NRXN3: variants seen among roughly 807,000 people sequenced by gnomAD.
NRXN3 encodes neurexin III.
In NRXN3, 32 loss-of-function variants were observed where a neutral mutation model predicts 137.6. The observed-to-expected ratio is 0.23, with a 90% CI of 0.18 to 0.31. The LOEUF (loss-of-function observed/expected upper bound fraction) is 0.31. Among genes scored for constraint, NRXN3 ranks in the 10% least tolerant of loss-of-function variants. The probability of loss-of-function intolerance (pLI) is 1.00; values close to 1 mark genes in which losing one functional copy is unlikely to be tolerated. For synonymous variants in NRXN3, 798 were observed against 784.5 expected, an observed-to-expected ratio of 1.02 and a Z score of -0.29; for missense variants, 1,574 against 2,062.5, an observed-to-expected ratio of 0.76 and a Z score of 4.59.
chr14:79,062,611 C>G (rs769826115), intron 15 of NRXN3, among the ~76,000 whole-genome samples: 5 of 152,146 alleles, frequency 3.3e-5, no homozygotes, highest in African/African-American at 1.2e-4. Context: ...TTTGTCAGGA[C>G]ACAAAGTGCG....
chr14:79,497,277 A>G (rs1343691501), intron 16 of NRXN3, among the ~76,000 whole-genome samples: 2 of 152,098 alleles, frequency 1.3e-5, no homozygotes, highest in Non-Finnish European at 2.9e-5. Context: ...CAAAGGAACC[A>G]TAATCCCCCA....
At chr14:78,633,453 C>T (rs1284122094) in intron 4 of NRXN3, among the ~76,000 whole-genome samples, 1 of 152,066 alleles carries the variant, frequency 6.6e-6, no homozygotes, top group African/African-American at 2.4e-5. Flanking sequence ...ACTCTCCCTC[C>T]CCACTCCCCT....
chr14:79,814,735 C>A (rs762990431), intron 20 of NRXN3, among the ~76,000 whole-genome samples: 1 of 152,074 alleles, frequency 6.6e-6, no homozygotes, highest in Non-Finnish European at 1.5e-5. Flanking sequence ...AGATGTTTTT[C>A]GGGAATTGTT....
intron 15 of NRXN3, among the ~76,000 whole-genome samples, chr14:79,086,499 T>A (rs1191882087): frequency 1.3e-5 from 2 of 152,138 alleles, no homozygotes; most frequent in African/African-American, 4.8e-5. Flanking sequence ...CAATCTTGAA[T>A]CCTTTCTCTC....
At chr14:79,108,479 G>T (rs1220277246) in intron 15 of NRXN3, among the ~76,000 whole-genome samples, 1 of 152,098 alleles carries the variant, frequency 6.6e-6, no homozygotes, top group African/African-American at 2.4e-5. Flanking sequence ...ACATTAGCTG[G>T]ATATGTAGGA....
chr14:78,822,690 CA>C, intron 10 of NRXN3, among the ~76,000 whole-genome samples: 1 of 142,788 alleles, frequency 7.0e-6, no homozygotes, highest in Non-Finnish European at 1.5e-5. Flanking sequence ...ACAAAACAAA[CA>C]ACCAACAACA....
intron 2 of NRXN3, among the ~76,000 whole-genome samples, chr14:78,248,295 G>C (rs113214985): frequency 5.1e-3 from 74 of 14,378 alleles, no homozygotes; most frequent in African/African-American, 9.8e-3. Flanking sequence ...ACTAGCCACC[G>C]CCCCCCGCCC....
At chr14:79,183,590 G>A in intron 15 of NRXN3, among the ~76,000 whole-genome samples, 1 of 152,078 alleles carries the variant, frequency 6.6e-6, no homozygotes, top group East Asian at 1.9e-4. Context: ...GTGTTCAAAA[G>A]GTAAAACCTT....
chr14:79,629,413 T>A (rs1225901993), intron 16 of NRXN3, among the ~76,000 whole-genome samples: 1 of 152,212 alleles, frequency 6.6e-6, no homozygotes, highest in Non-Finnish European at 1.5e-5. Context: ...CTCAAGAGCA[T>A]CATCACAGGA....
At chr14:78,990,721 T>C (rs977927026) in intron 15 of NRXN3, among the ~76,000 whole-genome samples, 19 of 152,172 alleles carry the variant, frequency 1.2e-4, no homozygotes, top group African/African-American at 3.4e-4. Flanking sequence ...ACTGTGAAGT[T>C]TGAATATAAA....
intron 15 of NRXN3, among the ~76,000 whole-genome samples, chr14:79,063,725 C>T (rs6574481): frequency 0.99 from 150,913 of 152,282 alleles, 74,802 homozygotes; most frequent in Middle Eastern, 1. Context: ...GAGAAAAAAA[C>T]CAGGAGCAAG....
chr14:79,064,805 G>A (rs11627140), intron 15 of NRXN3, among the ~76,000 whole-genome samples: 4 of 125,290 alleles, frequency 3.2e-5, no homozygotes, highest in African/African-American at 9.4e-5. Flanking sequence ...CCATATATAT[G>A]TGTGTGTGTG....
intron 4 of NRXN3, chr14:78,526,878 A>G: frequency 2.3e-6 from 1 of 440,062 alleles, no homozygotes; most frequent in Non-Finnish European, 4.5e-6. Flanking sequence ...AATACACCAA[A>G]GAAGCTTTCA....
chr14:79,788,195 T>A (rs1048726104), intron 19 of NRXN3, among the ~76,000 whole-genome samples: 2 of 152,144 alleles, frequency 1.3e-5, no homozygotes, highest in Non-Finnish European at 2.9e-5. Flanking sequence ...ACTTATTCAC[T>A]ACCACAAGAA....
chr14:78,314,668 G>T (rs922071086), intron 4 of NRXN3, among the ~76,000 whole-genome samples: 1 of 152,152 alleles, frequency 6.6e-6, no homozygotes, highest in Non-Finnish European at 1.5e-5. Flanking sequence ...ACAGGATAAG[G>T]GGCCTGGTGG....
At chr14:79,614,549 C>T (rs1798499595) in intron 16 of NRXN3, among the ~76,000 whole-genome samples, 1 of 152,094 alleles carries the variant, frequency 6.6e-6, no homozygotes, top group South Asian at 2.1e-4. Flanking sequence ...CTCTTCTACT[C>T]CCTCCTTGCT....
At chr14:79,451,689 T>C (rs1184725209) in intron 15 of NRXN3, among the ~76,000 whole-genome samples, 1 of 152,242 alleles carries the variant, frequency 6.6e-6, no homozygotes. Flanking sequence ...TATCCAGACT[T>C]TCCCTAGAAG....
At chr14:78,220,625 C>G (rs769268235) in intron 1 of NRXN3, among the ~76,000 whole-genome samples, 1 of 151,940 alleles carries the variant, frequency 6.6e-6, no homozygotes, top group Non-Finnish European at 1.5e-5. Context: ...GGAAGAGTCC[C>G]GTTTTCTTTT....
intron 15 of NRXN3, among the ~76,000 whole-genome samples, chr14:79,433,383 G>A (rs1181145201): frequency 6.6e-6 from 1 of 152,134 alleles, no homozygotes; most frequent in Admixed American, 6.5e-5. Flanking sequence ...CTTGAAGTCA[G>A]AAGCCTAAGT....
Sources: gnomAD v4.1 joint callset for allele counts (sites outside exome capture counted in the v4.1 genomes callset) on GRCh38, gnomAD v4.1.1 for gene constraint, MANE v1.5 for transcripts, NCBI Gene and HGNC (gene_info 2026-07-23, HGNC 2026-07-21) for gene names.